MTR: variants seen among roughly 807,000 people sequenced by gnomAD.
MTR encodes methionine synthase.
Under a neutral mutation model 154.8 loss-of-function variants are expected in MTR, and 84 were observed. The ratio of observed to expected loss-of-function variants is 0.54; its 90% CI spans 0.45 to 0.65. MTR has a LOEUF of 0.65. Among genes scored for constraint, MTR ranks in the 30% least tolerant of loss-of-function variants. MTR has a pLI of 0.00. For missense variants in MTR, 1,275 were observed against 1,570.2 expected (o/e 0.81, Z 3.18); for synonymous variants, 554 against 553.9 (o/e 1.00, Z 0.00).
At chr1:236,851,789 A>G (rs1461721097) in intron 16 of MTR, among the ~76,000 whole-genome samples, 1 of 152,168 alleles carries the variant, frequency 6.6e-6, no homozygotes, top group Admixed American at 6.5e-5. Context: ...CTCCATACTA[A>G]AGATTTATCT....
intron 31 of MTR, 73 bp downstream of exon 31, chr1:236,895,623 G>C: frequency 6.8e-7 from 1 of 1,465,938 alleles, no homozygotes; most frequent in East Asian, 2.5e-5. Context: ...CTGGCACTTA[G>C]GGTTAAACAT....
intron 29 of MTR, among the ~76,000 whole-genome samples, chr1:236,893,969 C>T (rs1339621860): frequency 1.3e-5 from 2 of 151,812 alleles, no homozygotes; most frequent in Non-Finnish European, 2.9e-5. Context: ...GAACATGGTG[C>T]TGGACTTAAT....
intron 29 of MTR, 125 bp from the exon 30 acceptor site, chr1:236,894,232 G>A: frequency 1.2e-6 from 1 of 854,436 alleles, no homozygotes; most frequent in Non-Finnish European, 1.9e-6. Flanking sequence ...GCACAATACA[G>A]GCTGCCATCT....
chr1:236,801,158 C>T (rs1037084517), intron 1 of MTR, among the ~76,000 whole-genome samples: 4 of 152,288 alleles, frequency 2.6e-5, no homozygotes, highest in Admixed American at 2.6e-4. Flanking sequence ...TTAAGCCCTA[C>T]CTTTTCTCCA....
intron 14 of MTR, among the ~76,000 whole-genome samples, chr1:236,837,612 G>A (rs1166409030): frequency 2.0e-5 from 3 of 152,202 alleles, no homozygotes; most frequent in Non-Finnish European, 4.4e-5. Context: ...GAATAATGTG[G>A]CCTATGCTGG....
intron 24 of MTR, among the ~76,000 whole-genome samples, chr1:236,877,897 A>G (rs1407125736): frequency 6.6e-6 from 1 of 152,154 alleles, no homozygotes; most frequent in Non-Finnish European, 1.5e-5. Context: ...ATCCCTTGTC[A>G]TGGGTGTAGT....
chr1:236,815,728 T>C (rs1191203761), intron 7 of MTR, 65 bp downstream of exon 7: 13 of 1,506,664 alleles, frequency 8.6e-6, no homozygotes, highest in East Asian at 2.3e-5. Context: ...AGCATGTTTT[T>C]CCCCCGCTTT....
chr1:236,897,310 G>GCACGCA (rs1373475510), intron 32 of MTR, among the ~76,000 whole-genome samples, 192 bp downstream of exon 32: 1 of 128,614 alleles, frequency 7.8e-6, no homozygotes, highest in African/African-American at 2.8e-5. Context: ...CCACACACAC[G>GCACGCA]CACACACACA....
chr1:236,894,243 G>C (rs1666493113), intron 29 of MTR, 114 bp from the exon 30 acceptor site: 5 of 974,258 alleles, frequency 5.1e-6, no homozygotes, highest in East Asian at 5.0e-5. Context: ...GCTGCCATCT[G>C]TGCGTTGTGA....
At chr1:236,851,559 T>C (rs1217711588) in intron 16 of MTR, among the ~76,000 whole-genome samples, 3 of 152,232 alleles carry the variant, frequency 2.0e-5, no homozygotes, top group Admixed American at 6.5e-5. Flanking sequence ...TATTGATTGG[T>C]TGACAAAAAT....
At chr1:236,800,241 G>C (rs1660631679) in intron 1 of MTR, 1 of 985,234 alleles carries the variant, frequency 1.0e-6, no homozygotes, top group Non-Finnish European at 1.2e-6. Flanking sequence ...TAATCATTTT[G>C]CCGATGCCAA....
intron 14 of MTR, among the ~76,000 whole-genome samples, chr1:236,837,007 A>G (rs1662947331): frequency 6.6e-6 from 1 of 152,204 alleles, no homozygotes; most frequent in Non-Finnish European, 1.5e-5. Flanking sequence ...ATACATTATT[A>G]GTGTTCTGAT....
At chr1:236,849,495 G>C (rs1663776703) in intron 15 of MTR, among the ~76,000 whole-genome samples, 1 of 152,200 alleles carries the variant, frequency 6.6e-6, no homozygotes, top group African/African-American at 2.4e-5. Context: ...AGAAGCCTTA[G>C]TTCTGTGAAG....
intron 28 of MTR, among the ~76,000 whole-genome samples, chr1:236,890,905 T>G (rs1223328143): frequency 6.6e-6 from 1 of 152,024 alleles, no homozygotes; most frequent in Non-Finnish European, 1.5e-5. Context: ...CTTGAGTGGC[T>G]TGAACTGGGA....
rs1266180759 is a variant in MTR, at chr1:236,900,792, T to G, written c.*3148T>G. ...TGAGGGGCAGGAGAGTGGTGCATCC[T>G]TGCTGCTGCCAGCAGTGCCCAGATA... is the stretch of plus-strand genomic sequence containing the variant. On this transcript the variant is annotated 3_prime_UTR_variant, in exon 33 of 33. Transcript: ENST00000366577. The G allele has an allele frequency of 2.0e-5, 3 of 152,548 alleles. No individual in the cohort carries two copies. Among genetic ancestry groups the G allele is most frequent in the African/African-American group, 7.2e-5 (3 of 41,444 alleles). 9.4% of individuals were successfully genotyped at this position (152,548 alleles called of 1,614,324 possible).
chr1:236,855,647 T>A (rs1241022391), intron 18 of MTR, among the ~76,000 whole-genome samples: 1 of 152,196 alleles, frequency 6.6e-6, no homozygotes, highest in Non-Finnish European at 1.5e-5. Flanking sequence ...CTCCCTTTGA[T>A]AACCTACACA....
chr1:236,841,575 AC>A, intron 15 of MTR, among the ~76,000 whole-genome samples: 1 of 151,640 alleles, frequency 6.6e-6, no homozygotes, highest in East Asian at 1.9e-4. Context: ...GCTGTCCCTT[AC>A]CTTCCTCCTG....
intron 15 of MTR, among the ~76,000 whole-genome samples, chr1:236,848,822 G>A (rs1167711457): frequency 2.0e-5 from 3 of 152,152 alleles, no homozygotes; most frequent in Admixed American, 6.5e-5. Flanking sequence ...GAATACCAAA[G>A]TAGTAAGTGA....
chr1:236,795,578 T>C lies in MTR; in HGVS notation c.-126T>C. On this transcript the variant is annotated 5_prime_UTR_variant, in exon 1 of 33. Transcript: ENST00000366577. ...CCGCGACGCGAGCCAACGGGAGGCG[T>C]CAAAAGACCCGGGCCTTGTGTGGCA... The C allele has an allele frequency of 1.3e-6, 2 of 1,577,898 alleles. No homozygotes were observed. Among genetic ancestry groups the C allele is most frequent in the Non-Finnish European group, 1.7e-6 (2 of 1,166,960 alleles).
Sources: allele counts gnomAD v4.1 joint callset (sites outside exome capture counted in the v4.1 genomes callset), GRCh38; gene constraint gnomAD v4.1.1; transcripts MANE v1.5; gene names NCBI Gene and HGNC (gene_info 2026-07-23, HGNC 2026-07-21).